ARID4B: variants seen among roughly 807,000 people sequenced by gnomAD.
ARID4B encodes the protein AT-rich interactive domain-containing protein 4B.
Under a neutral mutation model 147.5 loss-of-function variants are expected in ARID4B, and 26 were observed. That is an observed-to-expected ratio of 0.18 (90% confidence interval 0.13 to 0.24). The LOEUF is 0.24. Ranked by LOEUF, ARID4B falls within the 10% of genes least tolerant of loss-of-function variation. The pLI, the probability that ARID4B is intolerant of heterozygous loss-of-function variation, is 1.00. For synonymous variants in ARID4B, 512 were observed against 507.9 expected (o/e 1.01, Z -0.11); for missense variants, 1,179 against 1,511.5 (o/e 0.78, Z 3.65).
At chr1:235,319,848 G>T (rs190474712) in intron 2 of ARID4B, among the ~76,000 whole-genome samples, 3 of 152,062 alleles carry the variant, frequency 2.0e-5, no homozygotes, top group Admixed American at 1.3e-4. Context: ...AAAAAAAAAG[G>T]CCGGGCGAGG....
chr1:235,253,181 G>A (rs1669748247), intron 5 of ARID4B, among the ~76,000 whole-genome samples: 1 of 152,162 alleles, frequency 6.6e-6, no homozygotes, highest in African/African-American at 2.4e-5. Flanking sequence ...ACCTAAGAAA[G>A]ATTACAAGTA....
At chr1:235,327,664 C>A (rs1675427869) in intron 1 of ARID4B, 105 bp downstream of exon 1, 1 of 152,394 alleles carries the variant, frequency 6.6e-6, no homozygotes, top group East Asian at 1.9e-4. Context: ...AATTCGGGCG[C>A]CGCAGGGACC....
chr1:235,241,703 G>A (rs1043312289), intron 7 of ARID4B, among the ~76,000 whole-genome samples: 2 of 151,930 alleles, frequency 1.3e-5, no homozygotes, highest in East Asian at 1.9e-4. Context: ...ATTTTTGGTA[G>A]AGAAGGGGTT....
intron 22 of ARID4B, 106 bp downstream of exon 22, chr1:235,175,078 G>C: frequency 9.8e-7 from 1 of 1,021,420 alleles, no homozygotes; most frequent in Non-Finnish European, 1.5e-6. Flanking sequence ...CCGCACTCCA[G>C]CCTGGTGACA....
Position 235,237,524 on chromosome 1 carries a change from G to A in ARID4B, c.585+2789C>T, listed in dbSNP as rs550710542. Among the ~76,000 whole-genome samples, 57 of 152,096 alleles carry A rather than the reference G, an allele frequency of 3.7e-4. 1 individual carries two copies. The highest frequency in any genetic ancestry group is 1.3e-3 in the African/African-American group (52 of 41,476). On this transcript the variant is annotated intron_variant, in intron 8 of 23. Coordinates refer to ENST00000264183, the MANE Select transcript of ARID4B (RefSeq NM_016374.6). ...ATTTACTGCATATTTAATTTGTGCC[G>A]AACACTGAACTAAGCAGTGGAGATA...
intron 17 of ARID4B, among the ~76,000 whole-genome samples, chr1:235,204,510 C>A (rs2102987283): frequency 6.6e-6 from 1 of 152,140 alleles, no homozygotes; most frequent in Middle Eastern, 3.4e-3. Context: ...ATAAACAGCT[C>A]AACGGAATGG....
At chr1:235,256,173 C>CAAA (rs58486379) in intron 4 of ARID4B, among the ~76,000 whole-genome samples, 1 of 92,510 alleles carries the variant, frequency 1.1e-5, no homozygotes, top group African/African-American at 4.3e-5. Flanking sequence ...GACTCTGCCT[C>CAAA]AAAAAAAAAA....
At chr1:235,249,050 T>C (rs1669475921) in intron 6 of ARID4B, among the ~76,000 whole-genome samples, 1 of 152,142 alleles carries the variant, frequency 6.6e-6, no homozygotes, top group Admixed American at 6.6e-5. Flanking sequence ...ACCAGATAAT[T>C]GGCTGGGCGC....
intron 6 of ARID4B, among the ~76,000 whole-genome samples, chr1:235,250,947 GAAAAACCATGTCT>G (rs1216501910): frequency 6.6e-6 from 1 of 152,168 alleles, no homozygotes; most frequent in African/African-American, 2.4e-5. Flanking sequence ...CTTAACAGGA[GAAAAACCATGTCT>G]TCAAGTCCTC....
chr1:235,179,134 A>G (rs1349575468), intron 20 of ARID4B, among the ~76,000 whole-genome samples: 3 of 152,248 alleles, frequency 2.0e-5, no homozygotes, highest in African/African-American at 7.2e-5. Flanking sequence ...AAAAAACTAC[A>G]TCTAAATAGT....
chr1:235,302,401 A>G (rs1673247119), intron 2 of ARID4B, among the ~76,000 whole-genome samples: 1 of 152,036 alleles, frequency 6.6e-6, no homozygotes, highest in African/African-American at 2.4e-5. Flanking sequence ...ATCCAAATTG[A>G]GACATGCCAT....
intron 2 of ARID4B, among the ~76,000 whole-genome samples, chr1:235,326,176 T>C (rs909599859): frequency 2.0e-5 from 3 of 152,138 alleles, no homozygotes; most frequent in African/African-American, 7.2e-5. Context: ...AGCATTCATA[T>C]ACATATTCTC....
chr1:235,255,142 A>G (rs1223001313), intron 5 of ARID4B, among the ~76,000 whole-genome samples: 1 of 151,842 alleles, frequency 6.6e-6, no homozygotes, highest in African/African-American at 2.4e-5. Context: ...GAAAACTGGA[A>G]ACCTCATCAG....
intron 16 of ARID4B, 147 bp from the exon 17 acceptor site, chr1:235,214,173 T>G: frequency 1.0e-6 from 1 of 1,003,858 alleles, no homozygotes; most frequent in Non-Finnish European, 1.4e-6. Flanking sequence ...AGTTTCATTT[T>G]ACTATTAAAA....
At chr1:235,257,011 G>A (rs1239266865) in intron 4 of ARID4B, 149 bp downstream of exon 4, 5 of 639,060 alleles carry the variant, frequency 7.8e-6, no homozygotes, top group Non-Finnish European at 1.1e-5. Context: ...TAGTCACTGA[G>A]ATTAAGTCTA....
At chr1:235,217,426 A>G (rs1667165677) in intron 16 of ARID4B, among the ~76,000 whole-genome samples, 1 of 150,638 alleles carries the variant, frequency 6.6e-6, no homozygotes, top group Non-Finnish European at 1.5e-5. Context: ...ACTCATATAC[A>G]TACATACACT....
In ARID4B at chr1:235,237,857, T is replaced by A. The variant is rs74806674; in HGVS notation, c.585+2456A>T. 8.5e-3 allele frequency among the ~76,000 whole-genome samples: 1,288 copies of A among 152,036 alleles called. 11 individuals are homozygous for A. The highest frequency in any genetic ancestry group is 0.031 in the Middle Eastern group (9 of 292). On this transcript the variant is annotated intron_variant, in intron 8 of 23. Coordinates refer to ENST00000264183, the MANE Select transcript of ARID4B (RefSeq NM_016374.6). ...CTCAAGCACAAATTGTAGAGAAAAG[T>A]TTATTAATCATCACCGGGTGTGCTG... is the stretch of plus-strand genomic sequence containing the variant.
intron 2 of ARID4B, among the ~76,000 whole-genome samples, chr1:235,307,679 A>AC (rs1673678381): frequency 6.6e-6 from 1 of 152,188 alleles, no homozygotes; most frequent in Admixed American, 6.5e-5. Context: ...GGCTCAAATG[A>AC]CCTTTCAAAG....
chr1:235,219,608 TC>T (rs1481108379), intron 16 of ARID4B, among the ~76,000 whole-genome samples, 184 bp downstream of exon 16: 1 of 152,206 alleles, frequency 6.6e-6, no homozygotes, highest in African/African-American at 2.4e-5. Context: ...GTATGATCTT[TC>T]TCTACAAATT....
Sources: allele counts gnomAD v4.1 joint callset (sites outside exome capture counted in the v4.1 genomes callset), GRCh38; gene constraint gnomAD v4.1.1; transcripts MANE v1.5; gene names NCBI Gene and HGNC (gene_info 2026-07-23, HGNC 2026-07-21).